The following TMEM182 variants were observed in gnomAD, a reference collection of about 807,000 sequenced individuals.
The protein encoded by TMEM182 is transmembrane protein 182.
In TMEM182, 20 loss-of-function variants were observed where a neutral mutation model predicts 26.8. That is an observed-to-expected ratio of 0.75 (90% CI 0.53 to 1.09). TMEM182 has a LOEUF of 1.09. Ranked by LOEUF, TMEM182 falls within the 50% of genes least tolerant of loss-of-function variation. The probability of loss-of-function intolerance (pLI) is 0.00; values close to 1 mark genes in which losing one functional copy is unlikely to be tolerated. For synonymous variants in TMEM182, 109 were observed against 102.2 expected, an observed-to-expected ratio of 1.07 and a Z score of -0.40; for missense variants, 277 against 275.5, an observed-to-expected ratio of 1.01 and a Z score of -0.04.
chr2:102,741,532 T>TA (rs1679545163), intron 1 of TMEM182, among the ~76,000 whole-genome samples: 2 of 152,192 alleles, frequency 1.3e-5, no homozygotes, highest in Non-Finnish European at 2.9e-5. Flanking sequence ...GCCAGAATCT[T>TA]ACGTTACTTG....
intron 1 of TMEM182, among the ~76,000 whole-genome samples, chr2:102,738,756 G>T (rs115058425): frequency 6.6e-6 from 1 of 152,232 alleles, no homozygotes; most frequent in African/African-American, 2.4e-5. Flanking sequence ...AACATATACC[G>T]ATGTAATATG....
At chr2:102,761,674 A>G (rs571398684), upstream of TMEM182, among the ~76,000 whole-genome samples, 89 of 152,340 alleles carry the variant, frequency 5.8e-4, no homozygotes, top group Non-Finnish European at 1.1e-3. Flanking sequence ...TGTGTTCAAG[A>G]TCGGTCTTTG....
At chr2:102,830,219 T>A (rs895852299) in intron 3 of TMEM182, among the ~76,000 whole-genome samples, 1 of 152,242 alleles carries the variant, frequency 6.6e-6, no homozygotes, top group Admixed American at 6.5e-5. Flanking sequence ...ACTACAATAC[T>A]CAGACTTAAT....
chr2:102,817,174 A>G lies in TMEM182; in HGVS notation c.*2206A>G. ...CTTAAAAATGGCAGAGTTATATAGT[A>G]CATTATTGTAGCAACCTTATATCTG... On this transcript the variant is annotated 3_prime_UTR_variant, in exon 5 of 5. Coordinates refer to ENST00000412401, the MANE Select transcript of TMEM182 (RefSeq NM_144632.5). 9 of 985,360 alleles carry G rather than the reference A, an allele frequency of 9.1e-6. No homozygotes were observed. Among genetic ancestry groups the G allele is most frequent in the Non-Finnish European group, 1.1e-5 (9 of 829,846 alleles). The allele number at this position is 985,360 out of a possible 1,614,324, so 61.0% of individuals were successfully genotyped here.
At chr2:102,797,820 GTGTATTT>G in intron 3 of TMEM182, 36 bp from the exon 4 acceptor site, 1 of 1,588,042 alleles carries the variant, frequency 6.3e-7, no homozygotes, top group Non-Finnish European at 8.5e-7. Context: ...CACAATCTAA[GTGTATTT>G]TTCTTTCTTT....
intron 3 of TMEM182, among the ~76,000 whole-genome samples, chr2:102,786,210 GTT>G (rs772846502): frequency 9.8e-5 from 9 of 91,784 alleles, no homozygotes; most frequent in Admixed American, 2.8e-4. Flanking sequence ...TCAGCAATCT[GTT>G]TTTTTTTTTT....
chr2:102,819,816 C>T (rs1682874264), downstream of TMEM182, among the ~76,000 whole-genome samples: 1 of 152,180 alleles, frequency 6.6e-6, no homozygotes, highest in Non-Finnish European at 1.5e-5. Context: ...TCTGCTATTG[C>T]ATGCTTGTTG....
chr2:102,825,761 A>G (rs905446255), intron 3 of TMEM182, among the ~76,000 whole-genome samples: 1 of 152,254 alleles, frequency 6.6e-6, no homozygotes, highest in African/African-American at 2.4e-5. Context: ...GAGCATTTCT[A>G]CATGCCAGTA....
chr2:102,762,138 T>G lies in TMEM182; in HGVS notation c.-80T>G. On this transcript the variant is annotated 5_prime_UTR_variant, in exon 1 of 5. Coordinates refer to ENST00000412401, the MANE Select transcript of TMEM182 (RefSeq NM_144632.5). ...AATATTATTCTTTTTTTTTTTTTTT[T>G]GCTGTTGTTTCTGAGAAACTAGGTG... The G allele has an allele frequency of 4.2e-6, 4 of 960,568 alleles. No homozygotes were observed. The highest frequency in any genetic ancestry group is 4.6e-4 in the Middle Eastern group (2 of 4,302). 59.5% of individuals were successfully genotyped at this position (960,568 alleles called of 1,614,324 possible).
At chr2:102,740,764 A>G (rs1177053932) in intron 1 of TMEM182, among the ~76,000 whole-genome samples, 6 of 152,254 alleles carry the variant, frequency 3.9e-5, no homozygotes, top group African/African-American at 1.4e-4. Flanking sequence ...TGTTGTACAC[A>G]GATATCCATA....
rs544707118 is a variant in TMEM182, at chr2:102,754,789, A to C, written c.-82-3600A>C. The stretch of plus-strand genomic sequence containing the variant: ...ACTATAGAAAAAGAATGTTTTGCTT[A>C]TGATCACTTAATAACGTGACTTGAG... On this transcript the variant is annotated intron_variant, in intron 1 of 5. Transcript: ENST00000409173. 3.3e-5 allele frequency among the ~76,000 whole-genome samples: 5 copies of C among 152,334 alleles called. No homozygotes were observed. The East Asian group carries it at 9.6e-4, about 29-fold the overall frequency.
At chr2:102,819,593 A>G (rs1682865445), downstream of TMEM182, among the ~76,000 whole-genome samples, 2 of 152,220 alleles carry the variant, frequency 1.3e-5, no homozygotes, top group African/African-American at 4.8e-5. Context: ...GTATGCATAT[A>G]GAATACATAC....
intron 1 of TMEM182, among the ~76,000 whole-genome samples, chr2:102,747,173 T>C (rs1679724921): frequency 6.6e-6 from 1 of 152,228 alleles, no homozygotes; most frequent in Non-Finnish European, 1.5e-5. Flanking sequence ...TGTTGAAAGC[T>C]TAACATGATG....
At position 102,814,814 on chromosome 2, in the gene TMEM182, G is replaced by A. The variant is rs906228773; in HGVS notation, c.536G>A (p.Ser179Asn). The A allele has an allele frequency of 5.6e-6, 9 of 1,613,820 alleles. No homozygotes were observed. The highest frequency in any genetic ancestry group is 6.8e-6 in the Non-Finnish European group (8 of 1,179,926). The change falls in exon 5 of 5, where the codon AGC becomes AAC. Residue 179 changes from serine (S) to asparagine (N), a missense_variant. Physicochemically the swap from Ser to Asn is conservative, Grantham distance 46. Transcript: ENST00000412401. ...IWVQAVADME[S>N]YRNMKMKDCL... ...GTCCAGGCAGTGGCTGACATGGAAA[G>A]CTACCGAAACATGAAAATGAAGGAC...
chr2:102,826,501 C>A (rs1683033440), intron 3 of TMEM182, among the ~76,000 whole-genome samples: 1 of 151,894 alleles, frequency 6.6e-6, no homozygotes, highest in African/African-American at 2.4e-5. Flanking sequence ...GAAGCAGGGA[C>A]AATGAAAATG....
At chr2:102,785,516 A>C (rs1345084805) in intron 3 of TMEM182, among the ~76,000 whole-genome samples, 1 of 152,224 alleles carries the variant, frequency 6.6e-6, no homozygotes, top group African/African-American at 2.4e-5. Context: ...CTAGCCTAGC[A>C]CAGTAGCTGA....
intron 3 of TMEM182, among the ~76,000 whole-genome samples, chr2:102,786,868 A>G (rs1213480273): frequency 6.6e-6 from 1 of 152,162 alleles, no homozygotes; most frequent in African/African-American, 2.4e-5. Context: ...ACAATCAGGA[A>G]GTGGAGGGGG....
At chr2:102,780,502 G>T (rs2104695426) in intron 3 of TMEM182, among the ~76,000 whole-genome samples, 1 of 152,308 alleles carries the variant, frequency 6.6e-6, no homozygotes, top group East Asian at 1.9e-4. Context: ...GCATTATGCA[G>T]TGGGGGTGGT....
At position 102,762,693 on chromosome 2, in the gene TMEM182, A is replaced by G; in HGVS notation, c.232+7A>G. On this transcript the variant is annotated splice_region_variant and intron_variant, in intron 2 of 4. Transcript: ENST00000412401. ...ATTTGGAAGTTCTGGTACAGTAAGT[A>G]CAATTTAGCTTTATTTTCCCTCTTG... 1 of 1,607,520 alleles carries G rather than the reference A, an allele frequency of 6.2e-7. No individual in the cohort carries two copies. Among genetic ancestry groups the G allele is most frequent in the Non-Finnish European group, 8.5e-7 (1 of 1,175,328 alleles).
Sources: allele counts gnomAD v4.1 joint callset (sites outside exome capture counted in the v4.1 genomes callset), GRCh38; gene constraint gnomAD v4.1.1; transcripts MANE v1.5; gene names NCBI Gene and HGNC (gene_info 2026-07-23, HGNC 2026-07-21).